TEAD1: variants seen among roughly 807,000 people sequenced by gnomAD.
TEAD1 encodes the protein transcriptional enhancer factor TEF-1.
Under a neutral mutation model 54.9 loss-of-function variants are expected in TEAD1, and 9 were observed. That is an observed-to-expected ratio of 0.16 (90% CI 0.10 to 0.29). TEAD1 has a LOEUF of 0.29. Among genes scored for constraint, TEAD1 ranks in the 10% least tolerant of loss-of-function variants. The probability of loss-of-function intolerance (pLI) is 1.00; values close to 1 mark genes in which losing one functional copy is unlikely to be tolerated. For synonymous variants in TEAD1, 200 were observed against 187.8 expected (o/e 1.07, Z -0.53); for missense variants, 387 against 535.9 (o/e 0.72, Z 2.74).
At chr11:12,852,745 G>A (rs1947301590) in intron 3 of TEAD1, among the ~76,000 whole-genome samples, 2 of 151,976 alleles carry the variant, frequency 1.3e-5, no homozygotes. Flanking sequence ...ACCATGCCTG[G>A]CCTCCATTAA....
chr11:12,689,495 C>A (rs1943406612), intron 2 of TEAD1, among the ~76,000 whole-genome samples: 1 of 152,156 alleles, frequency 6.6e-6, no homozygotes, highest in African/African-American at 2.4e-5. Context: ...GGTTATAGTG[C>A]AGGTTCAGTG....
intron 3 of TEAD1, among the ~76,000 whole-genome samples, chr11:12,782,568 A>G (rs756989039): frequency 4.0e-4 from 61 of 152,224 alleles, no homozygotes; most frequent in Non-Finnish European, 7.3e-4. Flanking sequence ...TGCTTACACA[A>G]CTCTGTGAAT....
At chr11:12,767,633 T>C (rs1302687829) in intron 3 of TEAD1, among the ~76,000 whole-genome samples, 1 of 152,068 alleles carries the variant, frequency 6.6e-6, no homozygotes, top group African/African-American at 2.4e-5. Flanking sequence ...CCGGAGGAGG[T>C]GGCTTCATTC....
At chr11:12,707,072 A>G (rs1479979287) in intron 2 of TEAD1, among the ~76,000 whole-genome samples, 1 of 126,406 alleles carries the variant, frequency 7.9e-6, no homozygotes, top group Non-Finnish European at 1.6e-5. Context: ...CCAGTTGGAG[A>G]TTTTTCGGAA....
chr11:12,927,801 GA>G (rs983662308), intron 11 of TEAD1, among the ~76,000 whole-genome samples: 21 of 151,620 alleles, frequency 1.4e-4, no homozygotes, highest in Admixed American at 3.3e-4. Context: ...TTCTAGATTC[GA>G]ATTAATAGAG....
chr11:12,840,246 C>CAAAAAAAAAAAAAAAAA lies in TEAD1; in HGVS notation c.203-21988_203-21987insAAAAAAAAAAAAAAAAA, dbSNP rs1176865272. Among the ~76,000 whole-genome samples the CAAAAAAAAAAAAAAAAA allele has an allele frequency of 5.7e-3, 178 of 31,464 alleles. 2 individuals carry two copies. Among genetic ancestry groups the CAAAAAAAAAAAAAAAAA allele is most frequent in the Non-Finnish European group, 7.5e-3 (138 of 18,354 alleles). The allele number at this position is 31,464 out of a possible 152,430, so 20.6% of individuals were successfully genotyped here. ...TGGGCGACAGAGCGAGACTCTGCCTCAAAAAAAAAAAAAAAAGAAAAAAAA... is the reference window on the plus strand; with the variant it reads ...TGGGCGACAGAGCGAGACTCTGCCTCAAAAAAAAAAAAAAAAAAAAAAAAAAAAAAAAAGAAAAAAAA... On this transcript the variant is annotated intron_variant, in intron 3 of 12. Coordinates refer to ENST00000527636, the MANE Select transcript of TEAD1 (RefSeq NM_021961.6).
In TEAD1 at chr11:12,761,242, C is replaced by G. The variant is rs759429834; in HGVS notation, c.-54-2937C>G. Among the ~76,000 whole-genome samples, 38 of 152,214 alleles carry G rather than the reference C, an allele frequency of 2.5e-4. 1 individual carries two copies. Among genetic ancestry groups the G allele is most frequent in the Non-Finnish European group, 4.4e-5 (3 of 68,038 alleles). ...ATAAGAAGAGGTTGTCTGCAAGACT[C>G]TGCTGCCTGTCTGCTAGAACAGCCT... On this transcript the variant is annotated intron_variant, in intron 2 of 12. Transcript: ENST00000527636.
chr11:12,906,523 C>G (rs2134135032), intron 10 of TEAD1, among the ~76,000 whole-genome samples: 1 of 136,690 alleles, frequency 7.3e-6, no homozygotes, highest in East Asian at 2.2e-4. Context: ...GCCTGGGCGA[C>G]AGAGTGAGAC....
intron 5 of TEAD1, among the ~76,000 whole-genome samples, chr11:12,878,556 C>T (rs568934770): frequency 6.6e-6 from 1 of 152,268 alleles, no homozygotes; most frequent in Admixed American, 6.5e-5. Context: ...GCCCACCGGG[C>T]CTGTCTCATA....
chr11:12,681,811 C>A (rs192465361), intron 2 of TEAD1, among the ~76,000 whole-genome samples: 6 of 152,256 alleles, frequency 3.9e-5, no homozygotes, highest in Non-Finnish European at 7.3e-5. Flanking sequence ...GGCCCTGCAC[C>A]TTTTCTCACA....
chr11:12,915,894 T>C (rs1236616484), intron 10 of TEAD1, among the ~76,000 whole-genome samples: 1 of 152,116 alleles, frequency 6.6e-6, no homozygotes, highest in African/African-American at 2.4e-5. Flanking sequence ...TAAGAGGTAA[T>C]AGAGGAGAAA....
intron 3 of TEAD1, among the ~76,000 whole-genome samples, chr11:12,796,348 A>G (rs1238083667): frequency 6.6e-6 from 1 of 152,206 alleles, no homozygotes; most frequent in Non-Finnish European, 1.5e-5. Flanking sequence ...TCTCACTGAA[A>G]CATATCATTT....
intron 10 of TEAD1, among the ~76,000 whole-genome samples, chr11:12,920,446 T>C (rs1948784300): frequency 6.6e-6 from 1 of 152,146 alleles, no homozygotes; most frequent in Non-Finnish European, 1.5e-5. Flanking sequence ...CCATACACAA[T>C]TGCTTATTTC....
intron 2 of TEAD1, among the ~76,000 whole-genome samples, chr11:12,741,678 T>C (rs1231170174): frequency 1.3e-5 from 2 of 152,208 alleles, no homozygotes; most frequent in Non-Finnish European, 2.9e-5. Context: ...TTTATTTACC[T>C]TATTAGTTCT....
At chr11:12,736,415 A>G (rs1007329779) in intron 2 of TEAD1, among the ~76,000 whole-genome samples, 6 of 152,230 alleles carry the variant, frequency 3.9e-5, no homozygotes, top group Non-Finnish European at 5.9e-5. Context: ...AAAAATAGGG[A>G]TTTAAAATGT....
At chr11:12,792,293 G>A (rs575647012) in intron 3 of TEAD1, among the ~76,000 whole-genome samples, 1 of 151,456 alleles carries the variant, frequency 6.6e-6, no homozygotes, top group Non-Finnish European at 1.5e-5. Flanking sequence ...TCAAATGCTT[G>A]GGGGTGAGAA....
At chr11:12,770,634 A>G (rs972601157) in intron 3 of TEAD1, among the ~76,000 whole-genome samples, 1 of 152,232 alleles carries the variant, frequency 6.6e-6, no homozygotes. Flanking sequence ...GCTGCTGAGG[A>G]AAGTGAGGTC....
intron 9 of TEAD1, among the ~76,000 whole-genome samples, chr11:12,893,339 C>T (rs551098466): frequency 6.0e-4 from 92 of 152,310 alleles, no homozygotes; most frequent in South Asian, 1.0e-3. Flanking sequence ...CCCCCATGCC[C>T]CTCACAGTCC....
rs16911836 is a variant in TEAD1 at position 12,940,713 on chromosome 11, C to T, written c.*3491C>T. On this transcript the variant is annotated 3_prime_UTR_variant, in exon 13 of 13. Coordinates refer to ENST00000527636, the MANE Select transcript of TEAD1 (RefSeq NM_021961.6). ...TGACCTTCATCCCTTAGTTTACTGGCGTTAAAAAAAGTCTCAGCAATTTTC... is the reference window on the plus strand; with the variant it reads ...TGACCTTCATCCCTTAGTTTACTGGTGTTAAAAAAAGTCTCAGCAATTTTC... 2.6e-5 allele frequency: 4 copies of T among 151,860 alleles called. No individual in the cohort carries two copies. Among genetic ancestry groups the T allele is most frequent in the Admixed American group, 2.0e-4 (3 of 15,260 alleles). 9.4% of individuals were successfully genotyped at this position (151,860 alleles called of 1,614,324 possible).
Sources: allele counts gnomAD v4.1 joint callset (sites outside exome capture counted in the v4.1 genomes callset), GRCh38; gene constraint gnomAD v4.1.1; transcripts MANE v1.5; gene names NCBI Gene and HGNC (gene_info 2026-07-23, HGNC 2026-07-21).